INPP4B: variants seen among roughly 807,000 people sequenced by gnomAD.
INPP4B encodes inositol polyphosphate-4-phosphatase type II B.
INPP4B carries 55 observed loss-of-function variants against 122.5 expected under a neutral mutation model. The observed-to-expected ratio is 0.45, with a 90% CI of 0.36 to 0.56. The LOEUF is 0.56. Ranked by LOEUF, INPP4B falls within the 20% of genes least tolerant of loss-of-function variation. The pLI is 0.00. For synonymous variants in INPP4B, 403 were observed against 388.7 expected, an observed-to-expected ratio of 1.04 and a Z score of -0.43; for missense variants, 1,000 against 1,097.7, an observed-to-expected ratio of 0.91 and a Z score of 1.26.
intron 11 of INPP4B, 106 bp downstream of exon 11, chr4:142,260,386 A>G: frequency 1.3e-6 from 1 of 741,372 alleles, no homozygotes; most frequent in African/African-American, 1.8e-5. Context: ...CAGTGTATTT[A>G]CTAAGCTTCA....
intron 25 of INPP4B, among the ~76,000 whole-genome samples, chr4:142,067,888 C>T (rs1028199177): frequency 1.3e-5 from 2 of 152,114 alleles, no homozygotes; most frequent in Non-Finnish European, 2.9e-5. Context: ...GAGAATGGAA[C>T]CAAGTTGGAA....
chr4:142,312,354 T>C (rs1174150577), intron 8 of INPP4B, among the ~76,000 whole-genome samples: 1 of 152,174 alleles, frequency 6.6e-6, no homozygotes, highest in African/African-American at 2.4e-5. Context: ...ATGTGGCTAA[T>C]TTCTCTCTTA....
intron 2 of INPP4B, among the ~76,000 whole-genome samples, chr4:142,524,771 A>G (rs1045245523): frequency 2.8e-4 from 43 of 152,040 alleles, no homozygotes; most frequent in Admixed American, 1.4e-3. Context: ...ACAAACCCAC[A>G]GCCAATATCA....
At chr4:142,719,283 C>T (rs1256073550) in intron 2 of INPP4B, among the ~76,000 whole-genome samples, 1 of 152,094 alleles carries the variant, frequency 6.6e-6, no homozygotes, top group African/African-American at 2.4e-5. Context: ...TTTAAAATAA[C>T]ATTATTAGTA....
chr4:142,036,610 C>T (rs957581520), intron 25 of INPP4B, among the ~76,000 whole-genome samples: 2 of 152,056 alleles, frequency 1.3e-5, no homozygotes, highest in Admixed American at 1.3e-4. Context: ...TAAAATTTTC[C>T]AGTCTGCATG....
chr4:142,587,410 A>G (rs1297809554), intron 2 of INPP4B, among the ~76,000 whole-genome samples: 1 of 152,140 alleles, frequency 6.6e-6, no homozygotes, highest in Non-Finnish European at 1.5e-5. Context: ...TTACTATCTG[A>G]AAAGTCTTCT....
chr4:142,311,781 T>C (rs541306841), intron 8 of INPP4B, among the ~76,000 whole-genome samples: 1 of 152,266 alleles, frequency 6.6e-6, no homozygotes, highest in South Asian at 2.1e-4. Flanking sequence ...TCCCAGGAAA[T>C]TATTGTTTTC....
chr4:142,804,656 G>A (rs1331349660), intron 1 of INPP4B, among the ~76,000 whole-genome samples: 1 of 151,974 alleles, frequency 6.6e-6, no homozygotes, highest in African/African-American at 2.4e-5. Context: ...TCAAAGAACT[G>A]CTTGTTTGCT....
intron 1 of INPP4B, among the ~76,000 whole-genome samples, chr4:142,835,794 T>G (rs1378616966): frequency 2.0e-5 from 3 of 152,224 alleles, no homozygotes; most frequent in Non-Finnish European, 2.9e-5. Flanking sequence ...TGAGTATATC[T>G]TCTTAGGTTA....
At chr4:142,495,733 T>C (rs1822468041) in intron 2 of INPP4B, among the ~76,000 whole-genome samples, 1 of 152,188 alleles carries the variant, frequency 6.6e-6, no homozygotes. Flanking sequence ...TTACTGTGAC[T>C]TTCAGAGGCT....
At chr4:142,463,447 C>T (rs1817122304) in intron 2 of INPP4B, among the ~76,000 whole-genome samples, 1 of 152,142 alleles carries the variant, frequency 6.6e-6, no homozygotes, top group Non-Finnish European at 1.5e-5. Context: ...CCATGTGACT[C>T]CACTGGGAGA....
At chr4:142,190,596 A>G (rs1835345778) in intron 15 of INPP4B, among the ~76,000 whole-genome samples, 1 of 152,182 alleles carries the variant, frequency 6.6e-6, no homozygotes. Context: ...TTCTTTTAAA[A>G]TCTTTATTGT....
rs146877557 is a variant in INPP4B at position 142,442,068 on chromosome 4, C to T, written c.-126-10683G>A. 1.0e-3 allele frequency among the ~76,000 whole-genome samples: 156 copies of T among 151,852 alleles called. 1 individual carries two copies. The highest frequency in any genetic ancestry group is 3.3e-3 in the African/African-American group (137 of 41,430). ...AAATAAAAAAGCATATTTATGAACT[C>T]AATGTAGAAAAAGATTTTTCAACCC... On this transcript the variant is annotated intron_variant, in intron 3 of 25. Transcript: ENST00000262992.
intron 2 of INPP4B, among the ~76,000 whole-genome samples, chr4:142,680,061 C>T (rs918589859): frequency 2.6e-5 from 4 of 151,820 alleles, no homozygotes; most frequent in Non-Finnish European, 5.9e-5. Context: ...GCTAGCCATA[C>T]CCTTCATCCA....
chr4:142,724,752 A>G (rs930670860), intron 2 of INPP4B, among the ~76,000 whole-genome samples: 2 of 152,140 alleles, frequency 1.3e-5, no homozygotes, highest in Non-Finnish European at 2.9e-5. Context: ...ATATGTAGAA[A>G]TATATCACAT....
chr4:142,779,686 A>G (rs191528737), intron 1 of INPP4B, among the ~76,000 whole-genome samples: 1 of 152,144 alleles, frequency 6.6e-6, no homozygotes, highest in Admixed American at 6.5e-5. Flanking sequence ...TCCATCTAAG[A>G]GATCAGGAGG....
chr4:142,295,557 A>G (rs1049935802), intron 9 of INPP4B, among the ~76,000 whole-genome samples: 2 of 152,188 alleles, frequency 1.3e-5, no homozygotes, highest in African/African-American at 4.8e-5. Flanking sequence ...TAACATGACT[A>G]TGTTTCTTGG....
intron 7 of INPP4B, among the ~76,000 whole-genome samples, chr4:142,362,538 TTAGTTATAAGGG>T (rs1408778369): frequency 6.6e-6 from 1 of 152,004 alleles, no homozygotes; most frequent in East Asian, 1.9e-4. Context: ...AGTATAATAA[TTAGTTATAAGGG>T]TAAGAACTTA....
At chr4:142,843,455 A>G (rs774359336) in intron 1 of INPP4B, among the ~76,000 whole-genome samples, 5 of 151,952 alleles carry the variant, frequency 3.3e-5, no homozygotes, top group Non-Finnish European at 7.4e-5. Context: ...AAACTAAGGT[A>G]CATAATACAG....
Sources: gnomAD v4.1 joint callset for allele counts (sites outside exome capture counted in the v4.1 genomes callset) on GRCh38, gnomAD v4.1.1 for gene constraint, MANE v1.5 for transcripts, NCBI Gene and HGNC (gene_info 2026-07-23, HGNC 2026-07-21) for gene names.